The following CYRIB variants were observed in gnomAD, a reference collection of about 807,000 sequenced individuals.
CYRIB encodes CYFIP related Rac1 interactor B.
A neutral mutation model predicts 44.2 loss-of-function variants in CYRIB; 8 were observed. The ratio of observed to expected loss-of-function variants is 0.18; its 90% CI spans 0.11 to 0.33. The LOEUF is 0.33. Among genes scored for constraint, CYRIB ranks in the 10% least tolerant of loss-of-function variants. CYRIB has a pLI of 1.00. For synonymous variants in CYRIB, 131 were observed against 127.2 expected (o/e 1.03, Z -0.20); for missense variants, 185 against 382.8 (o/e 0.48, Z 4.31).
At chr8:129,861,891 G>C (rs183885460) in intron 5 of CYRIB, among the ~76,000 whole-genome samples, 1 of 152,236 alleles carries the variant, frequency 6.6e-6, no homozygotes, top group East Asian at 1.9e-4. Flanking sequence ...CATCGCTACA[G>C]TAAGTCCTTT....
chr8:129,856,896 G>A (rs573976057), intron 5 of CYRIB, among the ~76,000 whole-genome samples: 3 of 152,168 alleles, frequency 2.0e-5, no homozygotes, highest in Non-Finnish European at 4.4e-5. Context: ...AAGCAACATT[G>A]TACGTAGCCT....
At chr8:130,003,989 G>A (rs1345603929) in intron 1 of CYRIB, among the ~76,000 whole-genome samples, 1 of 152,072 alleles carries the variant, frequency 6.6e-6, no homozygotes, top group African/African-American at 2.4e-5. Context: ...TAGGGGCTGC[G>A]GTAACCAAAA....
chr8:129,898,482 G>A (rs908902439), intron 2 of CYRIB, among the ~76,000 whole-genome samples: 64 of 152,112 alleles, frequency 4.2e-4, no homozygotes, highest in African/African-American at 1.5e-3. Flanking sequence ...AAAAGAAGAC[G>A]GATGTTAAGA....
chr8:129,851,269 G>C (rs2043101302), intron 8 of CYRIB: 1 of 220,498 alleles, frequency 4.5e-6, no homozygotes, highest in Non-Finnish European at 8.9e-6. Context: ...CATGGAGGAG[G>C]GAGGGAACAT....
In CYRIB at chr8:129,852,349, CCAGGCAGGG is replaced by C; in HGVS notation, c.517-80_517-72del. On this transcript the variant is annotated intron_variant, in intron 7 of 11. Transcript: ENST00000519824. ...CATATAATAACAATTATACAAGGAC[CCAGGCAGGG>C]TGCCTGCCTCAATTACATTTTAGAC... 3.3e-6 allele frequency: 3 copies of C among 903,258 alleles called. No homozygotes were observed. In the South Asian group the frequency reaches 8.7e-5, roughly 26 times the overall value. The allele number at this position is 903,258 out of a possible 1,614,324, so 56.0% of individuals were successfully genotyped here. A position where few individuals can be genotyped will look rare whatever the true frequency, so the allele number is the denominator to read the frequency against.
chr8:129,972,366 G>A (rs572908332), intron 1 of CYRIB, among the ~76,000 whole-genome samples: 2 of 152,242 alleles, frequency 1.3e-5, no homozygotes, highest in Admixed American at 6.5e-5. Flanking sequence ...GGAGGCTGAG[G>A]TGGGAGGATC....
intron 1 of CYRIB, among the ~76,000 whole-genome samples, chr8:129,974,123 G>A (rs1004990121): frequency 2.0e-5 from 3 of 152,048 alleles, no homozygotes; most frequent in Admixed American, 1.3e-4. Context: ...GAATCCAGCC[G>A]ACCCAACACT....
intron 9 of CYRIB, 108 bp from the exon 12 acceptor site, chr8:129,849,477 T>C (rs1287863591): frequency 5.3e-6 from 6 of 1,126,932 alleles, no homozygotes; most frequent in South Asian, 1.7e-5. Flanking sequence ...CAAATTTCTA[T>C]CCATTAGTTG....
intron 2 of CYRIB, among the ~76,000 whole-genome samples, chr8:129,963,313 G>A (rs995731559): frequency 6.6e-6 from 1 of 152,208 alleles, no homozygotes; most frequent in Non-Finnish European, 1.5e-5. Flanking sequence ...TTCGAGGCGA[G>A]ATTCTGTTTC....
chr8:129,915,002 T>C (rs757804802), intron 1 of CYRIB, among the ~76,000 whole-genome samples: 1 of 152,054 alleles, frequency 6.6e-6, no homozygotes, highest in Admixed American at 6.6e-5. Flanking sequence ...ACATACCAGA[T>C]GGCTAAAAAA....
At chr8:129,905,845 G>A (rs1446451627) in intron 1 of CYRIB, among the ~76,000 whole-genome samples, 1 of 152,174 alleles carries the variant, frequency 6.6e-6, no homozygotes, top group East Asian at 1.9e-4. Context: ...CAAATATCAG[G>A]TCATAAATAG....
At chr8:129,868,419 T>C (rs752151135) in intron 4 of CYRIB, among the ~76,000 whole-genome samples, 1 of 152,238 alleles carries the variant, frequency 6.6e-6, no homozygotes, top group Non-Finnish European at 1.5e-5. Context: ...GTTTCAAGCC[T>C]GGTAAGATGA....
intron 3 of CYRIB, among the ~76,000 whole-genome samples, chr8:129,878,926 C>T (rs898150965): frequency 6.6e-6 from 1 of 152,026 alleles, no homozygotes; most frequent in African/African-American, 2.4e-5. Flanking sequence ...TAATATTATG[C>T]CCAAATTACT....
chr8:129,996,765 A>G (rs2096775754), intron 1 of CYRIB, among the ~76,000 whole-genome samples: 1 of 151,864 alleles, frequency 6.6e-6, no homozygotes, highest in South Asian at 2.1e-4. Context: ...CCTGTGACCA[A>G]CTTACTGTTT....
At chr8:129,902,694 G>C (rs1057461946) in intron 2 of CYRIB, among the ~76,000 whole-genome samples, 1 of 152,094 alleles carries the variant, frequency 6.6e-6, no homozygotes, top group African/African-American at 2.4e-5. Context: ...AACACGGAAA[G>C]GGATTTTAAG....
chr8:129,995,335 C>T (rs2096741141), intron 1 of CYRIB, among the ~76,000 whole-genome samples: 1 of 152,162 alleles, frequency 6.6e-6, no homozygotes, highest in Non-Finnish European at 1.5e-5. Flanking sequence ...TCATCTCTTA[C>T]CACAGAGAAC....
At chr8:129,983,851 A>T (rs1026041024) in intron 1 of CYRIB, among the ~76,000 whole-genome samples, 4 of 152,254 alleles carry the variant, frequency 2.6e-5, no homozygotes, top group African/African-American at 9.6e-5. Context: ...CAAGAGGCCG[A>T]AGCGCTGCCC....
At chr8:130,015,981 CG>C (rs1391756770) in intron 1 of CYRIB, among the ~76,000 whole-genome samples, 1 of 151,976 alleles carries the variant, frequency 6.6e-6, no homozygotes, top group African/African-American at 2.4e-5. Flanking sequence ...CACCGACACC[CG>C]GCTCGCAGGA....
intron 1 of CYRIB, among the ~76,000 whole-genome samples, chr8:129,980,625 C>T (rs1472954351): frequency 6.6e-6 from 1 of 151,624 alleles, no homozygotes; most frequent in Non-Finnish European, 1.5e-5. Flanking sequence ...GATTGTGCCA[C>T]TGCACTCCAG....
Sources: allele counts gnomAD v4.1 joint callset (sites outside exome capture counted in the v4.1 genomes callset), GRCh38; gene constraint gnomAD v4.1.1; transcripts MANE v1.5; gene names NCBI Gene and HGNC (gene_info 2026-07-23, HGNC 2026-07-21).